NRCAM: variants seen among roughly 807,000 people sequenced by gnomAD.
NRCAM encodes neuronal cell adhesion molecule, also known as NgCAM-related cell adhesion molecule.
A neutral mutation model predicts 156.5 loss-of-function variants in NRCAM; 83 were observed. The observed-to-expected ratio is 0.53, with a 90% CI of 0.44 to 0.64. The LOEUF (loss-of-function observed/expected upper bound fraction) is 0.64. NRCAM is among the 30% of genes least tolerant of loss of function. NRCAM has a pLI of 0.00. For missense variants in NRCAM, 1,417 were observed against 1,597.3 expected (o/e 0.89, Z 1.92); for synonymous variants, 538 against 563.9 (o/e 0.95, Z 0.65).
intron 2 of NRCAM, among the ~76,000 whole-genome samples, chr7:108,339,068 C>G (rs190114487): frequency 6.6e-6 from 1 of 152,360 alleles, no homozygotes; most frequent in African/African-American, 2.4e-5. Flanking sequence ...ACTCAAAAAT[C>G]TTAAAGTATG....
intron 2 of NRCAM, among the ~76,000 whole-genome samples, chr7:108,332,251 C>A (rs1323200501): frequency 6.6e-6 from 1 of 152,134 alleles, no homozygotes; most frequent in Non-Finnish European, 1.5e-5. Context: ...TACTGATAGG[C>A]AAAATGCCAA....
intron 3 of NRCAM, among the ~76,000 whole-genome samples, chr7:108,293,980 C>T (rs1173976750): frequency 2.0e-5 from 3 of 152,078 alleles, no homozygotes; most frequent in Non-Finnish European, 2.9e-5. Flanking sequence ...CAGGAGTTTG[C>T]ACCCTAAATT....
chr7:108,301,084 G>A (rs1165166365), intron 3 of NRCAM, among the ~76,000 whole-genome samples: 1 of 151,810 alleles, frequency 6.6e-6, no homozygotes, highest in African/African-American at 2.4e-5. Context: ...AAAAAACAAA[G>A]AATAATTTTG....
chr7:108,272,694 TA>T (rs2097408302), intron 3 of NRCAM, among the ~76,000 whole-genome samples: 1 of 152,006 alleles, frequency 6.6e-6, no homozygotes, highest in Admixed American at 6.6e-5. Context: ...TATATATATT[TA>T]TATATCATGT....
intron 29 of NRCAM, among the ~76,000 whole-genome samples, chr7:108,168,028 T>C (rs892227858): frequency 2.0e-5 from 3 of 152,234 alleles, no homozygotes; most frequent in African/African-American, 7.2e-5. Flanking sequence ...TCAAGTACTA[T>C]GATATGAAAA....
intron 3 of NRCAM, among the ~76,000 whole-genome samples, chr7:108,298,858 C>G (rs1160257609): frequency 6.6e-6 from 1 of 150,964 alleles, no homozygotes; most frequent in Non-Finnish European, 1.5e-5. Flanking sequence ...CTAATCCCAG[C>G]ACTTTGTGAA....
intron 27 of NRCAM, among the ~76,000 whole-genome samples, chr7:108,175,978 G>A (rs2060328405): frequency 6.6e-6 from 1 of 152,032 alleles, no homozygotes; most frequent in Non-Finnish European, 1.5e-5. Context: ...ATTGATATGT[G>A]AACTAGAAAA....
intron 3 of NRCAM, among the ~76,000 whole-genome samples, chr7:108,278,926 C>G (rs891063320): frequency 6.6e-6 from 1 of 150,380 alleles, no homozygotes; most frequent in East Asian, 2.0e-4. Flanking sequence ...AATTCTAAAA[C>G]TCCTCTTAAG....
At chr7:108,374,363 A>C (rs2099654189) in intron 2 of NRCAM, among the ~76,000 whole-genome samples, 1 of 152,054 alleles carries the variant, frequency 6.6e-6, no homozygotes, top group African/African-American at 2.4e-5. Flanking sequence ...AGTTTGGTAT[A>C]GTGTATCATT....
intron 5 of NRCAM, among the ~76,000 whole-genome samples, chr7:108,237,513 T>C (rs2095174780): frequency 6.6e-6 from 1 of 152,194 alleles, no homozygotes; most frequent in Non-Finnish European, 1.5e-5. Flanking sequence ...TGGAAGTTAG[T>C]AGAGCAGCAC....
At chr7:108,356,615 AAAT>A (rs1426889750) in intron 2 of NRCAM, among the ~76,000 whole-genome samples, 1 of 152,212 alleles carries the variant, frequency 6.6e-6, no homozygotes. Flanking sequence ...TTTTTTAAGA[AAAT>A]AATTATTACA....
intron 7 of NRCAM, among the ~76,000 whole-genome samples, chr7:108,231,502 T>G (rs2094323896): frequency 6.6e-6 from 1 of 151,582 alleles, no homozygotes; most frequent in Non-Finnish European, 1.5e-5. Flanking sequence ...AAATAAAGAA[T>G]TACACATCTA....
chr7:108,255,259 A>C (rs12674313), intron 3 of NRCAM, among the ~76,000 whole-genome samples: 8,991 of 149,508 alleles, frequency 0.06, 342 homozygotes, highest in South Asian at 0.11. Context: ...CTCACTGCAA[A>C]CTCCCTGCCT....
At chr7:108,399,216 G>A (rs571886707) in intron 2 of NRCAM, among the ~76,000 whole-genome samples, 1 of 152,120 alleles carries the variant, frequency 6.6e-6, no homozygotes, top group Non-Finnish European at 1.5e-5. Context: ...CATAAGATCA[G>A]AGCTCCAACT....
In NRCAM at chr7:108,189,644, C is replaced by T; in HGVS notation, c.2035+1G>A. ...GAAATAGAGCAAATAATACCACATA[C>T]TTGTAATGGGGCTATTGTTGTCATC... is the stretch of plus-strand genomic sequence containing the variant. On this transcript the variant is annotated splice_donor_variant, in intron 20 of 32. Coordinates refer to ENST00000379028, the MANE Select transcript of NRCAM (RefSeq NM_001037132.4). LOFTEE classifies it high-confidence loss of function. The T allele has an allele frequency of 8.0e-7, 1 of 1,244,784 alleles. No homozygotes were observed. The highest frequency in any genetic ancestry group is 1.2e-6 in the Non-Finnish European group (1 of 846,352). The allele number at this position is 1,244,784 out of a possible 1,614,324, so 77.1% of individuals were successfully genotyped here.
intron 17 of NRCAM, among the ~76,000 whole-genome samples, chr7:108,192,220 C>T (rs749705744): frequency 2.2e-4 from 34 of 151,586 alleles, no homozygotes; most frequent in Non-Finnish European, 4.3e-4. Flanking sequence ...GGGAATGGGG[C>T]GAGTGAAGCT....
intron 6 of NRCAM, among the ~76,000 whole-genome samples, chr7:108,233,471 T>C (rs2094553202): frequency 1.3e-5 from 2 of 152,274 alleles, no homozygotes; most frequent in Middle Eastern, 3.4e-3. Flanking sequence ...CAAAATATTA[T>C]CTATCACACT....
intron 3 of NRCAM, among the ~76,000 whole-genome samples, chr7:108,283,842 T>C (rs577099788): frequency 6.6e-6 from 1 of 152,234 alleles, no homozygotes; most frequent in East Asian, 1.9e-4. Flanking sequence ...CATTTCCAAA[T>C]TCTTGTTTTG....
intron 2 of NRCAM, among the ~76,000 whole-genome samples, chr7:108,377,998 A>AT (rs2099683377): frequency 6.6e-6 from 1 of 152,214 alleles, no homozygotes; most frequent in Admixed American, 6.5e-5. Flanking sequence ...AAACAAACTT[A>AT]AATCTTCTAC....
Sources: allele counts gnomAD v4.1 joint callset (sites outside exome capture counted in the v4.1 genomes callset), GRCh38; gene constraint gnomAD v4.1.1; transcripts MANE v1.5; gene names NCBI Gene and HGNC (gene_info 2026-07-23, HGNC 2026-07-21).